The following TRAPPC12 variants were observed in gnomAD, a reference collection of about 807,000 sequenced individuals.
TRAPPC12 encodes TPR repeat protein 15.
In TRAPPC12, 61 loss-of-function variants were observed where a neutral mutation model predicts 69.2. That is an observed-to-expected ratio of 0.88 (90% CI 0.72 to 1.09). The LOEUF (loss-of-function observed/expected upper bound fraction) is 1.09. Ranked by LOEUF, TRAPPC12 falls within the 50% of genes least tolerant of loss-of-function variation. The pLI, the probability that TRAPPC12 is intolerant of heterozygous loss-of-function variation, is 0.00. For missense variants in TRAPPC12, 1,101 were observed against 1,016.4 expected, an observed-to-expected ratio of 1.08 and a Z score of -1.13; for synonymous variants, 469 against 438.9, an observed-to-expected ratio of 1.07 and a Z score of -0.86.
rs150279465 is a variant in TRAPPC12 at position 3,387,697 on chromosome 2, A to T, written c.74A>T (p.Glu25Val). Residue 25 changes from glutamate (E) to valine (V), a missense_variant, in exon 2 of 12, where the codon GAG (glutamate) becomes GTG (valine). Physicochemically the swap from Glu to Val is moderately radical, Grantham distance 121. Transcript: ENST00000324266. ...CACCCCCCTCAGCTCGCGCCTCCGG[A>T]GGAGCAGGGGTTGCTCTTCCAGGAG... The part of the protein sequence containing the change: ...APHPPQLAPP[E>V]EQGLLFQEET... 3.1e-5 allele frequency: 49 copies of T among 1,580,878 alleles called. No homozygotes were observed. In the African/African-American group the frequency reaches 6.4e-4, roughly 21 times the overall value.
intron 7 of TRAPPC12, chr2:3,458,450 C>G (rs192182998): frequency 2.0e-6 from 2 of 986,196 alleles, no homozygotes; most frequent in African/African-American, 1.7e-5. Context: ...CGGGTGGTCT[C>G]CGTTTCCGCA....
At chr2:3,442,739 C>T (rs1018907445) in intron 5 of TRAPPC12, among the ~76,000 whole-genome samples, 1 of 152,184 alleles carries the variant, frequency 6.6e-6, no homozygotes, top group Non-Finnish European at 1.5e-5. Context: ...AGTGTGGTCA[C>T]GGCCCATTCT....
At chr2:3,433,455 C>T (rs550276751) in intron 5 of TRAPPC12, among the ~76,000 whole-genome samples, 18 of 152,224 alleles carry the variant, frequency 1.2e-4, no homozygotes, top group South Asian at 6.2e-4. Context: ...TGCGGCCTCA[C>T]GGCAACCTAG....
chr2:3,380,751 T>G (rs1660169956), intron 1 of TRAPPC12, among the ~76,000 whole-genome samples: 1 of 152,238 alleles, frequency 6.6e-6, no homozygotes, highest in South Asian at 2.1e-4. Context: ...TCTTCACAGT[T>G]ACTAAACTGG....
At position 3,443,833 on chromosome 2, in the gene TRAPPC12, T is replaced by G; in HGVS notation, c.1472T>G (p.Leu491Arg). ...RILHAELQQYLGNPQESLDRL... is the reference protein window; with the variant it reads ...RILHAELQQYRGNPQESLDRL... ...TTGCACGCGGAGCTTCAGCAGTACC[T>G]GGGGAACCCACAGGAGTCGCTGGAT... Residue 491 changes from leucine (L) to arginine (R), a missense_variant, in exon 6 of 12, where the codon CTG becomes CGG. Coordinates refer to ENST00000324266, the MANE Select transcript of TRAPPC12 (RefSeq NM_016030.6). 6.2e-7 allele frequency: 1 copy of G among 1,614,148 alleles called. No homozygotes were observed.
chr2:3,436,808 TCCC>T (rs1261646145), intron 5 of TRAPPC12, among the ~76,000 whole-genome samples: 1 of 70,498 alleles, frequency 1.4e-5, no homozygotes. Flanking sequence ...CCTGAATTAA[TCCC>T]CCCATCACCC....
intron 3 of TRAPPC12, among the ~76,000 whole-genome samples, chr2:3,420,634 C>G (rs777717845): frequency 1.3e-5 from 2 of 152,158 alleles, no homozygotes; most frequent in Non-Finnish European, 2.9e-5. Flanking sequence ...CCCACACCGC[C>G]GCTGTGGCTG....
chr2:3,417,158 T>A (rs1170211084), intron 3 of TRAPPC12, among the ~76,000 whole-genome samples: 1 of 152,184 alleles, frequency 6.6e-6, no homozygotes, highest in Non-Finnish European at 1.5e-5. Flanking sequence ...ATTTTTTATA[T>A]CTTCTGTCAT....
chr2:3,395,560 CTTTTTTTTTTT>C (rs10671671), intron 2 of TRAPPC12, among the ~76,000 whole-genome samples: 1 of 118,148 alleles, frequency 8.5e-6, no homozygotes, highest in African/African-American at 3.3e-5. Context: ...AAAATTATTA[CTTTTTTTTTTT>C]TTTTTTTTTG....
chr2:3,388,620 GTGGACAAGGAGAACC>G lies in TRAPPC12; in HGVS notation c.999_1013del (p.Asp334_Leu338del), dbSNP rs1463429794. 6.3e-7 allele frequency: 1 copy of G among 1,596,696 alleles called. No individual in the cohort carries two copies. Among genetic ancestry groups the G allele is most frequent in the East Asian group, 2.3e-5 (1 of 44,024 alleles). ...CACCCAGCAGCGCGGCGCCGTGTTCGTGGACAAGGAGAACCTCACCATGCCGGGCCTCAGGTTCGA... is the reference window on the plus strand; with the variant it reads ...CACCCAGCAGCGCGGCGCCGTGTTCGTCACCATGCCGGGCCTCAGGTTCGA... On this transcript the variant is annotated inframe_deletion, in exon 2 of 12. Coordinates refer to ENST00000324266, the MANE Select transcript of TRAPPC12 (RefSeq NM_016030.6).
chr2:3,450,232 C>A (rs539740030), intron 6 of TRAPPC12, among the ~76,000 whole-genome samples: 4 of 152,212 alleles, frequency 2.6e-5, no homozygotes, highest in Admixed American at 2.0e-4. Flanking sequence ...AGCCCTGAAG[C>A]GGGCATGATA....
At chr2:3,426,891 T>C (rs1490407658) in intron 5 of TRAPPC12, among the ~76,000 whole-genome samples, 1 of 152,242 alleles carries the variant, frequency 6.6e-6, no homozygotes, top group East Asian at 1.9e-4. Flanking sequence ...CAAGGGCTAC[T>C]GTTCTACCTT....
Position 3,443,841 on chromosome 2 carries a change from C to T in TRAPPC12, c.1480C>T (p.Pro494Ser). The change falls in exon 6 of 12, where the codon CCA (proline) becomes TCA (serine). Residue 494 changes from proline (P) to serine (S), a missense_variant. Coordinates refer to ENST00000324266, the MANE Select transcript of TRAPPC12 (RefSeq NM_016030.6). Reference protein sequence around the residue: ...HAELQQYLGNPQESLDRLHKV... With the variant: ...HAELQQYLGNSQESLDRLHKV... ...GGAGCTTCAGCAGTACCTGGGGAAC[C>T]CACAGGAGTCGCTGGATAGACTGCA... 6.2e-7 allele frequency: 1 copy of T among 1,614,130 alleles called. No homozygotes were observed. Among genetic ancestry groups the T allele is most frequent in the Non-Finnish European group, 8.5e-7 (1 of 1,180,038 alleles).
intron 2 of TRAPPC12, among the ~76,000 whole-genome samples, chr2:3,392,973 A>G (rs1660906971): frequency 6.6e-6 from 1 of 152,352 alleles, no homozygotes. Flanking sequence ...TTTGGTATGT[A>G]GTGGCTCACG....
At chr2:3,413,788 C>T (rs759853295) in intron 3 of TRAPPC12, among the ~76,000 whole-genome samples, 1 of 152,164 alleles carries the variant, frequency 6.6e-6, no homozygotes, top group Non-Finnish European at 1.5e-5. Flanking sequence ...TCTGTTGAAG[C>T]AGCTAACCTG....
chr2:3,415,702 C>T (rs1662339578), intron 3 of TRAPPC12, among the ~76,000 whole-genome samples: 1 of 148,522 alleles, frequency 6.7e-6, no homozygotes, highest in East Asian at 2.0e-4. Flanking sequence ...TCGTGCCTGG[C>T]CTGCATTCAC....
rs1016930149 is a variant in TRAPPC12, at chr2:3,414,883, T to C, written c.1165-6998T>C. Among the ~76,000 whole-genome samples, 2 of 152,178 alleles carry C rather than the reference T, an allele frequency of 1.3e-5. No individual in the cohort carries two copies. Among genetic ancestry groups the C allele is most frequent in the Admixed American group, 1.3e-4 (2 of 15,276 alleles). On this transcript the variant is annotated intron_variant, in intron 3 of 11. Coordinates refer to ENST00000324266, the MANE Select transcript of TRAPPC12 (RefSeq NM_016030.6). The surrounding 1 kb of genome is among the most constrained non-coding windows in gnomAD (Gnocchi z 4.9). Reference sequence around the variant, plus strand: ...GGACATCACGTACGTTGGCCCTTCATATCTACAGGTTCCGCATCCACAGAT... The same window carrying C: ...GGACATCACGTACGTTGGCCCTTCACATCTACAGGTTCCGCATCCACAGAT...
chr2:3,464,520 A>T (rs1053173823), intron 8 of TRAPPC12, among the ~76,000 whole-genome samples: 1 of 152,252 alleles, frequency 6.6e-6, no homozygotes, highest in African/African-American at 2.4e-5. Context: ...CTCTGGGATT[A>T]TACGATGAGT....
intron 10 of TRAPPC12, chr2:3,478,617 A>G: frequency 2.2e-6 from 1 of 461,886 alleles, no homozygotes. Flanking sequence ...CTGGGCAACG[A>G]GAGCAAAACT....
Sources: gnomAD v4.1 joint callset for allele counts (sites outside exome capture counted in the v4.1 genomes callset) on GRCh38, gnomAD v4.1.1 for gene constraint, Gnocchi (gnomAD v3.1) non-coding constraint, MANE v1.5 for transcripts, NCBI Gene and HGNC (gene_info 2026-07-23, HGNC 2026-07-21) for gene names.